The following CD96 variants were observed in gnomAD, a reference collection of about 807,000 sequenced individuals.
CD96 encodes T-cell surface protein tactile.
In CD96, 70 loss-of-function variants were observed where a neutral mutation model predicts 71.3. That is an observed-to-expected ratio of 0.98 (90% confidence interval 0.81 to 1.20). The LOEUF (loss-of-function observed/expected upper bound fraction) is 1.20. Among genes scored for constraint, CD96 ranks in the 50% most tolerant of loss-of-function variants. The pLI is 0.00. For synonymous variants in CD96, 248 were observed against 233.0 expected, an observed-to-expected ratio of 1.06 and a Z score of -0.59; for missense variants, 742 against 677.5, an observed-to-expected ratio of 1.10 and a Z score of -1.06.
At chr3:111,613,112 A>G (rs1938039579) in intron 8 of CD96, among the ~76,000 whole-genome samples, 1 of 152,168 alleles carries the variant, frequency 6.6e-6, no homozygotes, top group South Asian at 2.1e-4. Flanking sequence ...TACATCTGTC[A>G]CCTGTAAGTC....
intron 13 of CD96, among the ~76,000 whole-genome samples, chr3:111,649,280 G>T (rs887138291): frequency 1.3e-5 from 2 of 152,152 alleles, no homozygotes; most frequent in Non-Finnish European, 2.9e-5. Flanking sequence ...TGTTGGTCTG[G>T]TTCTCTTGAG....
chr3:111,600,664 C>T, intron 6 of CD96, 62 bp from the exon 7 acceptor site: 1 of 1,223,726 alleles, frequency 8.2e-7, no homozygotes, highest in Non-Finnish European at 1.2e-6. Context: ...CATGCCTTGG[C>T]ATTATTGTAT....
intron 2 of CD96, among the ~76,000 whole-genome samples, chr3:111,566,121 C>A (rs1465395983): frequency 6.6e-6 from 1 of 150,652 alleles, no homozygotes; most frequent in Non-Finnish European, 1.5e-5. Context: ...ATAACCTAGC[C>A]TTTGCCTTTT....
At position 111,649,679 on chromosome 3, in the gene CD96, A is replaced by G; in HGVS notation, c.1602-19A>G. 1.4e-6 allele frequency: 2 copies of G among 1,460,808 alleles called. No individual in the cohort carries two copies. Among genetic ancestry groups the G allele is most frequent in the African/African-American group, 1.4e-5 (1 of 71,870 alleles). The allele number at this position is 1,460,808 out of a possible 1,614,324, so 90.5% of individuals were successfully genotyped here. A position where few individuals can be genotyped will look rare whatever the true frequency, so the allele number is the denominator to read the frequency against. On this transcript the variant is annotated intron_variant, in intron 13 of 13. Coordinates refer to ENST00000352690, the MANE Select transcript of CD96 (RefSeq NM_005816.5). Reference sequence around the variant, plus strand: ...CTCCCTCAATTCTTAGCATTGAAAGACCAATATTTTGTTCCTAGAATGGAA... The same window carrying G: ...CTCCCTCAATTCTTAGCATTGAAAGGCCAATATTTTGTTCCTAGAATGGAA...
chr3:111,584,868 C>T (rs911826766), intron 4 of CD96, among the ~76,000 whole-genome samples: 4 of 152,124 alleles, frequency 2.6e-5, no homozygotes, highest in African/African-American at 7.2e-5. Flanking sequence ...TCTCTCCCTC[C>T]CCACCACCCA....
In CD96 at chr3:111,606,746, T is replaced by C; in HGVS notation, c.1134T>C (p.Ser378=). Residue 378 remains serine (S), a synonymous_variant, in exon 8 of 14, where the codon TCT becomes TCC. Coordinates refer to ENST00000352690, the MANE Select transcript of CD96 (RefSeq NM_005816.5). The part of the protein sequence containing the change: ...STDPPLSVTE[S]TLDTQPSPAS... The stretch of plus-strand genomic sequence containing the variant: ...ACCCTCCACTGAGTGTTACAGAATC[T>C]ACCCTTGACACCCAACCTTCTCCAG... 6.2e-7 allele frequency: 1 copy of C among 1,608,190 alleles called. No homozygotes were observed. Among genetic ancestry groups the C allele is most frequent in the Non-Finnish European group, 8.5e-7 (1 of 1,174,554 alleles).
chr3:111,630,288 G>A (rs77660837), intron 10 of CD96, among the ~76,000 whole-genome samples: 1,703 of 152,026 alleles, frequency 0.011, 36 homozygotes, highest in African/African-American at 0.038. Flanking sequence ...GAAGAAAAGC[G>A]AGAAGAATCA....
chr3:111,582,612 G>A (rs1936518351), intron 4 of CD96, among the ~76,000 whole-genome samples: 1 of 152,058 alleles, frequency 6.6e-6, no homozygotes, highest in African/African-American at 2.4e-5. Flanking sequence ...CCCAAAACTG[G>A]GAAGAAAAAG....
chr3:111,590,018 G>T (rs1936905224), intron 5 of CD96, among the ~76,000 whole-genome samples: 1 of 152,074 alleles, frequency 6.6e-6, no homozygotes, highest in Non-Finnish European at 1.5e-5. Flanking sequence ...TACATTTCAG[G>T]AATATTTCTT....
chr3:111,601,904 C>A (rs1937509405), intron 7 of CD96, among the ~76,000 whole-genome samples: 1 of 152,206 alleles, frequency 6.6e-6, no homozygotes, highest in Non-Finnish European at 1.5e-5. Context: ...CCCTACTACT[C>A]AGAAGCAGGT....
chr3:111,660,307 A>T (rs1454626679), intron 14 of CD96, among the ~76,000 whole-genome samples: 1 of 152,236 alleles, frequency 6.6e-6, no homozygotes, highest in Non-Finnish European at 1.5e-5. Context: ...ACTGCTAACC[A>T]AGGAAGTGAA....
intron 2 of CD96, among the ~76,000 whole-genome samples, chr3:111,564,623 T>C (rs2107538950): frequency 6.6e-6 from 1 of 152,308 alleles, no homozygotes; most frequent in South Asian, 2.1e-4. Context: ...GCTATAGTTT[T>C]TATTTACTTT....
At chr3:111,570,907 G>C in intron 3 of CD96, 1 of 1,591,798 alleles carries the variant, frequency 6.3e-7, no homozygotes, top group Non-Finnish European at 8.6e-7. Flanking sequence ...GGCATTTCCT[G>C]CTCAGTGCAT....
intron 2 of CD96, among the ~76,000 whole-genome samples, chr3:111,551,175 G>A (rs997106592): frequency 1.3e-5 from 2 of 152,136 alleles, no homozygotes; most frequent in African/African-American, 4.8e-5. Flanking sequence ...AAGAAGAGAT[G>A]TTTGTAGGTC....
chr3:111,589,755 G>A (rs1936888865), intron 5 of CD96, among the ~76,000 whole-genome samples: 1 of 152,134 alleles, frequency 6.6e-6, no homozygotes, highest in Non-Finnish European at 1.5e-5. Context: ...GGGCAGAGCT[G>A]GGATGCATAT....
intron 12 of CD96, among the ~76,000 whole-genome samples, chr3:111,647,231 GAAAAAA>G (rs1206085079): frequency 6.6e-6 from 1 of 150,576 alleles, no homozygotes; most frequent in Non-Finnish European, 1.5e-5. Context: ...CTAAAATAGT[GAAAAAA>G]AAGAAAAAGA....
chr3:111,603,031 C>CAGGG (rs977950548), intron 7 of CD96, among the ~76,000 whole-genome samples: 1 of 152,094 alleles, frequency 6.6e-6, no homozygotes, highest in Non-Finnish European at 1.5e-5. Flanking sequence ...AAAACTCAGA[C>CAGGG]AGGGCATGGG....
chr3:111,623,903 C>A, intron 9 of CD96, 81 bp downstream of exon 9: 1 of 929,818 alleles, frequency 1.1e-6, no homozygotes, highest in Non-Finnish European at 1.8e-6. Flanking sequence ...ATAATGTTGA[C>A]GTTTCAGCAA....
At chr3:111,586,596 C>T (rs1936725732) in intron 5 of CD96, among the ~76,000 whole-genome samples, 1 of 152,188 alleles carries the variant, frequency 6.6e-6, no homozygotes, top group South Asian at 2.1e-4. Context: ...TTGCACATAG[C>T]TGGGGAAGCC....
Sources: allele counts gnomAD v4.1 joint callset (sites outside exome capture counted in the v4.1 genomes callset), GRCh38; gene constraint gnomAD v4.1.1; transcripts MANE v1.5; gene names NCBI Gene and HGNC (gene_info 2026-07-23, HGNC 2026-07-21).